LCOR: variants seen among roughly 807,000 people sequenced by gnomAD.
LCOR encodes the protein ligand dependent nuclear receptor corepressor.
LCOR carries 14 observed loss-of-function variants against 64.4 expected under a neutral mutation model. The observed-to-expected ratio is 0.22, with a 90% confidence interval of 0.14 to 0.34. The LOEUF (loss-of-function observed/expected upper bound fraction) is 0.34. Ranked by LOEUF, LCOR falls within the 10% of genes least tolerant of loss-of-function variation. LCOR has a pLI of 1.00. For missense variants in LCOR, 1,686 were observed against 1,765.3 expected (o/e 0.96, Z 0.80); for synonymous variants, 643 against 642.5 (o/e 1.00, Z -0.01).
At chr10:96,865,987 A>G (rs943390133) in intron 2 of LCOR, among the ~76,000 whole-genome samples, 5 of 152,008 alleles carry the variant, frequency 3.3e-5, no homozygotes, top group African/African-American at 1.2e-4. Context: ...GATTCCTATC[A>G]TTATAAATTA....
At position 96,994,151 on chromosome 10, in the gene LCOR, C is replaced by A. The variant is rs1848223937; in HGVS notation, c.*9017C>A. 1 of 152,194 alleles carries A rather than the reference C, an allele frequency of 6.6e-6. No individual in the cohort carries two copies. The highest frequency in any genetic ancestry group is 1.5e-5 in the Non-Finnish European group (1 of 68,026). 9.4% of individuals were successfully genotyped at this position (152,194 alleles called of 1,614,324 possible). ...TTTCCAGAATCTAGTTGAGGCAAAG[C>A]TCATTTGGCTATAGAGTAAATGTAA... On this transcript the variant is annotated 3_prime_UTR_variant, in exon 8 of 8. Coordinates refer to ENST00000421806, the MANE Select transcript of LCOR (RefSeq NM_001346516.2).
At chr10:96,873,578 G>A (rs1489810561) in intron 2 of LCOR, among the ~76,000 whole-genome samples, 110 of 90,052 alleles carry the variant, frequency 1.2e-3, no homozygotes, top group African/African-American at 7.1e-3. Flanking sequence ...ACACGTGTGT[G>A]TGTGTGTGTG....
At chr10:96,901,202 A>G (rs899818906) in intron 2 of LCOR, among the ~76,000 whole-genome samples, 11 of 151,850 alleles carry the variant, frequency 7.2e-5, no homozygotes, top group African/African-American at 2.7e-4. Flanking sequence ...AAATAATAAA[A>G]TAAAAAGAGA....
intron 2 of LCOR, among the ~76,000 whole-genome samples, chr10:96,867,148 C>T (rs553607513): frequency 5.7e-4 from 87 of 152,074 alleles, no homozygotes; most frequent in Admixed American, 9.8e-4. Context: ...CCCTCAGCCT[C>T]CCAAAGTGCT....
chr10:96,848,417 G>A (rs1402215519), intron 2 of LCOR, among the ~76,000 whole-genome samples: 1 of 152,224 alleles, frequency 6.6e-6, no homozygotes, highest in African/African-American at 2.4e-5. Flanking sequence ...CAACACTTTG[G>A]GAGGCCGAGG....
chr10:96,958,537 CTAT>C, intron 7 of LCOR: 1 of 704,090 alleles, frequency 1.4e-6, no homozygotes. Flanking sequence ...TTGAGTACTT[CTAT>C]TATTTGTTTT....
chr10:96,852,215 G>A (rs1457851026), intron 2 of LCOR, among the ~76,000 whole-genome samples: 1 of 152,192 alleles, frequency 6.6e-6, no homozygotes, highest in Non-Finnish European at 1.5e-5. Context: ...CCAGGAATTT[G>A]AGACCAGTGT....
At chr10:96,904,547 A>G (rs1256117043) in intron 2 of LCOR, among the ~76,000 whole-genome samples, 1 of 152,210 alleles carries the variant, frequency 6.6e-6, no homozygotes, top group East Asian at 1.9e-4. Context: ...AGAAGAAACT[A>G]GAGCTCAACC....
chr10:96,867,047 C>T lies in LCOR; in HGVS notation c.-330+33568C>T, dbSNP rs183391613. On this transcript the variant is annotated intron_variant, in intron 2 of 7. Coordinates refer to ENST00000421806, the MANE Select transcript of LCOR (RefSeq NM_001346516.2). Reference sequence around the variant, plus strand: ...CATTGCCCAGGCTGGGGTGCAGTGGCGCAATCTCGGCTCACCGCAACCTCC... The same window carrying T: ...CATTGCCCAGGCTGGGGTGCAGTGGTGCAATCTCGGCTCACCGCAACCTCC... 7.8e-4 allele frequency among the ~76,000 whole-genome samples: 118 copies of T among 152,108 alleles called. 1 individual carries two copies. The highest frequency in any genetic ancestry group is 2.5e-3 in the African/African-American group (103 of 41,510).
At chr10:96,940,904 G>GC (rs1281319938) in intron 4 of LCOR, among the ~76,000 whole-genome samples, 1 of 151,402 alleles carries the variant, frequency 6.6e-6, no homozygotes, top group African/African-American at 2.4e-5. Context: ...GGGCAGAAGT[G>GC]CCCCCCACCT....
At position 96,952,169 on chromosome 10, in the gene LCOR, C is replaced by T. The variant is rs1389537527; in HGVS notation, c.305C>T (p.Pro102Leu). 6.2e-7 allele frequency: 1 copy of T among 1,613,816 alleles called. No individual in the cohort carries two copies. Among genetic ancestry groups the T allele is most frequent in the Non-Finnish European group, 8.5e-7 (1 of 1,179,706 alleles). ...CAGSTSLSHSPGCSSTQGNGE... is the reference protein window; with the variant it reads ...CAGSTSLSHSLGCSSTQGNGE... ...GGCAGCACTTCCCTGAGCCACTCTC[C>T]AGGCTGCTCCAGTACTCAAGGGAAC... Residue 102 changes from proline to leucine, a missense_variant, in exon 7 of 8, where the codon CCA becomes CTA. Physicochemically the swap from Pro to Leu is moderately conservative, Grantham distance 98. Transcript: ENST00000421806.
chr10:96,866,520 G>A (rs556327578), intron 2 of LCOR, among the ~76,000 whole-genome samples: 5 of 152,198 alleles, frequency 3.3e-5, no homozygotes, highest in Non-Finnish European at 7.3e-5. Context: ...ATACCTAGAA[G>A]TGGAATTGCT....
At chr10:96,958,388 A>C (rs1405932169) in intron 7 of LCOR, 2 of 1,527,276 alleles carry the variant, frequency 1.3e-6, no homozygotes, top group African/African-American at 2.7e-5. Flanking sequence ...TTACTAACAT[A>C]AATATTTTCT....
chr10:96,878,959 G>A (rs556115804), intron 2 of LCOR, among the ~76,000 whole-genome samples: 1 of 152,084 alleles, frequency 6.6e-6, no homozygotes, highest in South Asian at 2.1e-4. Flanking sequence ...ACCACACCCA[G>A]CTAATGTTGT....
At chr10:96,957,809 G>A (rs1307638774) in intron 7 of LCOR, 2 of 985,486 alleles carry the variant, frequency 2.0e-6, no homozygotes, top group Non-Finnish European at 2.4e-6. Context: ...GCTTGGGTGT[G>A]GGTTCCTCTT....
intron 2 of LCOR, among the ~76,000 whole-genome samples, chr10:96,902,884 A>G (rs1846664169): frequency 6.6e-6 from 1 of 152,222 alleles, no homozygotes; most frequent in South Asian, 2.1e-4. Flanking sequence ...AGGCAGTTTC[A>G]TCATTTTTCA....
intron 2 of LCOR, among the ~76,000 whole-genome samples, chr10:96,833,881 A>G (rs1210631409): frequency 1.3e-5 from 2 of 151,526 alleles, no homozygotes; most frequent in Admixed American, 6.6e-5. Flanking sequence ...GAGAACAGAC[A>G]CTGATTTAAT....
intron 7 of LCOR, among the ~76,000 whole-genome samples, chr10:96,966,289 C>A (rs528577061): frequency 1.5e-4 from 18 of 121,886 alleles, no homozygotes; most frequent in African/African-American, 5.8e-4. Context: ...AGTGCAGTGG[C>A]GCGATCTCGG....
intron 7 of LCOR, among the ~76,000 whole-genome samples, chr10:96,976,535 G>T (rs957095094): frequency 5.9e-5 from 9 of 152,194 alleles, no homozygotes; most frequent in African/African-American, 1.9e-4. Context: ...GGCCATGGTT[G>T]TTGCTTCAGG....
Sources: allele counts gnomAD v4.1 joint callset (sites outside exome capture counted in the v4.1 genomes callset), GRCh38; gene constraint gnomAD v4.1.1; transcripts MANE v1.5; gene names NCBI Gene and HGNC (gene_info 2026-07-23, HGNC 2026-07-21).